SPECC1: variants seen among roughly 807,000 people sequenced by gnomAD.
SPECC1 encodes cytospin-B.
Under a neutral mutation model 104.1 loss-of-function variants are expected in SPECC1, and 62 were observed. The observed-to-expected ratio is 0.60, with a 90% CI of 0.49 to 0.74. The LOEUF (loss-of-function observed/expected upper bound fraction) is 0.74. Among genes scored for constraint, SPECC1 ranks in the 30% least tolerant of loss-of-function variants. The pLI is 0.00. For missense variants in SPECC1, 1,306 were observed against 1,310.5 expected (o/e 1.00, Z 0.05); for synonymous variants, 513 against 501.6 (o/e 1.02, Z -0.30).
At chr17:20,042,517 T>C (rs1039053009) in intron 1 of SPECC1, among the ~76,000 whole-genome samples, 2 of 152,162 alleles carry the variant, frequency 1.3e-5, no homozygotes, top group Non-Finnish European at 2.9e-5. Flanking sequence ...GGGTGAGGGA[T>C]GGGCTCCTTA....
At chr17:20,278,259 A>C (rs2040640601) in intron 12 of SPECC1, among the ~76,000 whole-genome samples, 1 of 152,218 alleles carries the variant, frequency 6.6e-6, no homozygotes, top group Non-Finnish European at 1.5e-5. Context: ...TTTGATTGCC[A>C]ACAATTTGGG....
At chr17:20,061,246 A>G (rs1195695154) in intron 1 of SPECC1, among the ~76,000 whole-genome samples, 1 of 152,012 alleles carries the variant, frequency 6.6e-6, no homozygotes, top group Non-Finnish European at 1.5e-5. Context: ...TAATTTTTGT[A>G]TTTTTAGTAG....
chr17:20,182,121 T>TTTTTTTC (rs1203818042), intron 3 of SPECC1, among the ~76,000 whole-genome samples: 1 of 148,474 alleles, frequency 6.7e-6, no homozygotes, highest in Non-Finnish European at 1.5e-5. Context: ...TTCTTTTTCT[T>TTTTTTTC]TTTTTTTTGG....
chr17:20,207,932 TA>T (rs2036890926), intron 4 of SPECC1, among the ~76,000 whole-genome samples: 1 of 152,238 alleles, frequency 6.6e-6, no homozygotes, highest in Non-Finnish European at 1.5e-5. Flanking sequence ...TTTTTTGTCT[TA>T]TTTTTTGTAC....
intron 3 of SPECC1, among the ~76,000 whole-genome samples, chr17:20,120,771 G>C (rs576139143): frequency 6.6e-6 from 1 of 152,278 alleles, no homozygotes; most frequent in South Asian, 2.1e-4. Context: ...GAACTTACAA[G>C]AATTAAATCT....
chr17:20,304,378 T>A (rs891163399), intron 13 of SPECC1, among the ~76,000 whole-genome samples: 1 of 152,110 alleles, frequency 6.6e-6, no homozygotes, highest in African/African-American at 2.4e-5. Flanking sequence ...CAATTTAATT[T>A]TAATATAATC....
chr17:20,162,565 TAG>T, intron 3 of SPECC1, among the ~76,000 whole-genome samples: 1 of 152,362 alleles, frequency 6.6e-6, no homozygotes, highest in East Asian at 1.9e-4. Flanking sequence ...AGGCTTAAAA[TAG>T]ACACACATAG....
intron 1 of SPECC1, among the ~76,000 whole-genome samples, chr17:20,080,421 A>G (rs1185491188): frequency 1.3e-5 from 2 of 152,028 alleles, no homozygotes; most frequent in African/African-American, 4.8e-5. Flanking sequence ...ACACATTACA[A>G]CCCGGGGGAT....
chr17:20,246,183 G>A, intron 8 of SPECC1, 112 bp downstream of exon 8: 1 of 1,360,394 alleles, frequency 7.4e-7, no homozygotes, highest in Non-Finnish European at 1.0e-6. Context: ...CAACCACAAG[G>A]GCGCTTTCCA....
At chr17:20,215,858 G>A (rs920476726) in intron 4 of SPECC1, among the ~76,000 whole-genome samples, 1 of 152,094 alleles carries the variant, frequency 6.6e-6, no homozygotes, top group Admixed American at 6.6e-5. Flanking sequence ...TAGGAGAAGA[G>A]CTTGGTTCTT....
chr17:20,236,922 T>C, intron 7 of SPECC1: 2 of 1,613,412 alleles, frequency 1.2e-6, no homozygotes, highest in Non-Finnish European at 8.5e-7. Flanking sequence ...GCTCTTGCCA[T>C]GATTGGGAGC....
intron 2 of SPECC1, among the ~76,000 whole-genome samples, chr17:20,098,476 G>A (rs1389782675): frequency 6.6e-6 from 1 of 152,126 alleles, no homozygotes; most frequent in Non-Finnish European, 1.5e-5. Flanking sequence ...CCCTCTAGTG[G>A]CTCTCCCCAT....
At chr17:20,210,833 T>C (rs903589817) in intron 4 of SPECC1, among the ~76,000 whole-genome samples, 2 of 151,992 alleles carry the variant, frequency 1.3e-5, no homozygotes, top group Non-Finnish European at 2.9e-5. Context: ...TCCAGCCATA[T>C]TCCCACCCCT....
chr17:20,198,368 G>A (rs763141136), intron 3 of SPECC1, among the ~76,000 whole-genome samples: 1 of 152,192 alleles, frequency 6.6e-6, no homozygotes, highest in African/African-American at 2.4e-5. Context: ...TGATCAGGGA[G>A]GTCAGAGAAA....
chr17:20,269,134 A>T (rs16959946), intron 12 of SPECC1, among the ~76,000 whole-genome samples: 1 of 152,100 alleles, frequency 6.6e-6, no homozygotes, highest in East Asian at 1.9e-4. Flanking sequence ...CCCAGATGCT[A>T]TTGGCAGCCA....
At chr17:20,221,738 T>C (rs1462049740) in intron 4 of SPECC1, among the ~76,000 whole-genome samples, 2 of 152,156 alleles carry the variant, frequency 1.3e-5, no homozygotes, top group South Asian at 2.1e-4. Context: ...TGTTTGTTTA[T>C]TTGAAGTTTT....
rs984406976 is a variant in SPECC1 at position 20,148,587 on chromosome 17, G to A, written c.283+38025G>A. Reference sequence around the variant, plus strand: ...AAGCAATAAAAGAACTTATATAAAGGACATCATAATCTTGCCTACTCAGAG... The same window carrying A: ...AAGCAATAAAAGAACTTATATAAAGAACATCATAATCTTGCCTACTCAGAG... On this transcript the variant is annotated intron_variant, in intron 3 of 14. Transcript: ENST00000395527. 4.7e-5 allele frequency among the ~76,000 whole-genome samples: 7 copies of A among 149,952 alleles called. No individual in the cohort carries two copies. In the East Asian group the frequency reaches 1.4e-3, roughly 29 times the overall value.
At chr17:20,011,196 A>G (rs532953696) in intron 1 of SPECC1, among the ~76,000 whole-genome samples, 103 of 152,340 alleles carry the variant, frequency 6.8e-4, no homozygotes, top group African/African-American at 2.3e-3. Context: ...GGAATAGAAG[A>G]ATTATCTGTT....
chr17:20,058,221 G>A (rs535520560), intron 1 of SPECC1, among the ~76,000 whole-genome samples: 23 of 152,114 alleles, frequency 1.5e-4, no homozygotes, highest in African/African-American at 4.8e-4. Flanking sequence ...ATATCCTTGC[G>A]AGCACCTTTC....
Sources: gnomAD v4.1 joint callset for allele counts (sites outside exome capture counted in the v4.1 genomes callset) on GRCh38, gnomAD v4.1.1 for gene constraint, MANE v1.5 for transcripts, NCBI Gene and HGNC (gene_info 2026-07-23, HGNC 2026-07-21) for gene names.